ARHGEF12: variants seen among roughly 807,000 people sequenced by gnomAD.
ARHGEF12 encodes the protein KMT2A/ARHGEF12 fusion protein.
Under a neutral mutation model 211.2 loss-of-function variants are expected in ARHGEF12, and 66 were observed. That is an observed-to-expected ratio of 0.31 (90% CI 0.26 to 0.38). The LOEUF (loss-of-function observed/expected upper bound fraction) is 0.38, where lower values mean the gene tolerates loss of function less well. Ranked by LOEUF, ARHGEF12 falls within the 10% of genes least tolerant of loss-of-function variation. ARHGEF12 has a pLI of 1.00. For synonymous variants in ARHGEF12, 592 were observed against 638.4 expected (o/e 0.93, Z 1.09); for missense variants, 1,429 against 1,869.5 (o/e 0.76, Z 4.34).
At chr11:120,360,198 G>A (rs1338372907) in intron 1 of ARHGEF12, among the ~76,000 whole-genome samples, 1 of 152,136 alleles carries the variant, frequency 6.6e-6, no homozygotes, top group Non-Finnish European at 1.5e-5. Context: ...GTTTTGTGAT[G>A]AGGGAAAGTG....
intron 4 of ARHGEF12, chr11:120,411,879 C>CT (rs1565461689): frequency 6.6e-6 from 1 of 151,598 alleles, no homozygotes; most frequent in Admixed American, 6.6e-5. Flanking sequence ...AGGCTGATCT[C>CT]TGTCTCCTGA....
At chr11:120,337,535 C>T in intron 1 of ARHGEF12, 1 of 985,306 alleles carries the variant, frequency 1.0e-6, no homozygotes, top group Non-Finnish European at 1.2e-6. Context: ...GGTTTTCCGC[C>T]TGTAGTGTGC....
intron 1 of ARHGEF12, among the ~76,000 whole-genome samples, chr11:120,367,123 T>C (rs771756853): frequency 6.6e-6 from 1 of 152,170 alleles, no homozygotes; most frequent in African/African-American, 2.4e-5. Flanking sequence ...CTGATTCTTT[T>C]GGTGCTTGCT....
At chr11:120,450,653 A>G (rs929940237) in intron 21 of ARHGEF12, 2 of 152,292 alleles carry the variant, frequency 1.3e-5, no homozygotes, top group Non-Finnish European at 2.9e-5. Flanking sequence ...TGGATATTGA[A>G]CACCTGAGTG....
At chr11:120,354,425 A>G (rs1352081260) in intron 1 of ARHGEF12, among the ~76,000 whole-genome samples, 2 of 152,180 alleles carry the variant, frequency 1.3e-5, no homozygotes, top group Non-Finnish European at 2.9e-5. Flanking sequence ...GAGAGAGACC[A>G]TGGGGGTCCC....
chr11:120,405,926 G>A lies in ARHGEF12; in HGVS notation c.33-192G>A, dbSNP rs1436657558. On this transcript the variant is annotated intron_variant, in intron 1 of 40. Coordinates refer to ENST00000397843, the MANE Select transcript of ARHGEF12 (RefSeq NM_015313.3). ...GATGGTAAATGCACTGGCAGTTTAAGATTTAACAAAGTAGTTAAGATACTT... is the reference window on the plus strand; with the variant it reads ...GATGGTAAATGCACTGGCAGTTTAAAATTTAACAAAGTAGTTAAGATACTT... 6 of 475,834 alleles carry A rather than the reference G, an allele frequency of 1.3e-5. No homozygotes were observed. In the East Asian group the frequency reaches 1.8e-4, roughly 15 times the overall value. 29.5% of individuals were successfully genotyped at this position (475,834 alleles called of 1,614,324 possible). A position where few individuals can be genotyped will look rare whatever the true frequency, so the allele number is the denominator to read the frequency against.
In ARHGEF12 at chr11:120,428,258, G is replaced by A. The variant is rs1945413355; in HGVS notation, c.585+11G>A. Reference sequence around the variant, plus strand: ...CCTGTGCTCATGGGGGTAAGAATGGGGAAATTTCTTAGTTAAATGCTCAGT... The same window carrying A: ...CCTGTGCTCATGGGGGTAAGAATGGAGAAATTTCTTAGTTAAATGCTCAGT... On this transcript the variant is annotated intron_variant, in intron 8 of 40. Coordinates refer to ENST00000397843, the MANE Select transcript of ARHGEF12 (RefSeq NM_015313.3). 1.9e-6 allele frequency: 3 copies of A among 1,548,244 alleles called. No individual in the cohort carries two copies. In the East Asian group the frequency reaches 7.2e-5, roughly 37 times the overall value.
chr11:120,443,167 G>A (rs541830424), intron 15 of ARHGEF12, among the ~76,000 whole-genome samples: 13 of 151,842 alleles, frequency 8.6e-5, no homozygotes, highest in African/African-American at 1.5e-4. Context: ...GACTACAGGT[G>A]TACACCATCA....
chr11:120,358,125 T>A (rs557544503), intron 1 of ARHGEF12, among the ~76,000 whole-genome samples: 1 of 152,246 alleles, frequency 6.6e-6, no homozygotes, highest in South Asian at 2.1e-4. Flanking sequence ...TATAAAAGAT[T>A]CTTTCGGTGG....
At position 120,347,742 on chromosome 11, in the gene ARHGEF12, C is replaced by T. The variant is rs114979791; in HGVS notation, c.32+10467C>T. Among the ~76,000 whole-genome samples the T allele has an allele frequency of 2.1e-3, 315 of 152,172 alleles. 4 individuals carry two copies. The highest frequency in any genetic ancestry group is 7.3e-3 in the African/African-American group (303 of 41,508). On this transcript the variant is annotated intron_variant, in intron 1 of 40. Transcript: ENST00000397843. ...GTATAACCAGTAAGTTTGTCATTTC[C>T]ATGGTTGTAGGGAATATGAGACATT...
At chr11:120,385,180 G>A (rs1481034703) in intron 1 of ARHGEF12, 3 of 444,378 alleles carry the variant, frequency 6.8e-6, no homozygotes, top group Non-Finnish European at 8.9e-6. Flanking sequence ...TTTCCTGAGT[G>A]ATATTCTAGG....
At chr11:120,381,321 T>G (rs1161473724) in intron 1 of ARHGEF12, among the ~76,000 whole-genome samples, 1 of 152,220 alleles carries the variant, frequency 6.6e-6, no homozygotes, top group African/African-American at 2.4e-5. Flanking sequence ...CTAGTCCTCC[T>G]TTTTAATCTG....
At chr11:120,417,027 G>A (rs1460196995) in intron 4 of ARHGEF12, among the ~76,000 whole-genome samples, 1 of 152,094 alleles carries the variant, frequency 6.6e-6, no homozygotes, top group Non-Finnish European at 1.5e-5. Flanking sequence ...GAAAATCCAA[G>A]GTCAACCTCC....
chr11:120,483,013 G>A (rs1255683644), intron 39 of ARHGEF12, among the ~76,000 whole-genome samples: 1 of 152,134 alleles, frequency 6.6e-6, no homozygotes, highest in Non-Finnish European at 1.5e-5. Context: ...ATACAGTCAT[G>A]TGTTGCTTAG....
chr11:120,355,253 C>T (rs1943099827), intron 1 of ARHGEF12, among the ~76,000 whole-genome samples: 1 of 152,190 alleles, frequency 6.6e-6, no homozygotes, highest in Non-Finnish European at 1.5e-5. Context: ...AGCAGCATTT[C>T]AGTCTTGTCA....
chr11:120,482,995 G>A (rs892174927), intron 39 of ARHGEF12, among the ~76,000 whole-genome samples: 1 of 152,070 alleles, frequency 6.6e-6, no homozygotes, highest in Non-Finnish European at 1.5e-5. Flanking sequence ...GGACAGGTCG[G>A]TTCTTATATA....
At position 120,429,716 on chromosome 11, in the gene ARHGEF12, T is replaced by C; in HGVS notation, c.668T>C (p.Leu223Ser). Residue 223 changes from leucine to serine, a missense_variant, in exon 10 of 41, where the codon TTG (leucine) becomes TCG (serine). Physicochemically the swap from Leu to Ser is moderately radical, Grantham distance 145. Coordinates refer to ENST00000397843, the MANE Select transcript of ARHGEF12 (RefSeq NM_015313.3). Reference sequence around the variant, plus strand: ...AATATTTTTATAACTTTTCAGTTATTGCAGGAAGATTACAACCGAACACCT... The same window carrying C: ...AATATTTTTATAACTTTTCAGTTATCGCAGGAAGATTACAACCGAACACCT... Reference protein sequence around the residue: ...LQKEQERLQLLQEDYNRTPAQ... With the variant: ...LQKEQERLQLSQEDYNRTPAQ... 6.2e-7 allele frequency: 1 copy of C among 1,610,062 alleles called. No homozygotes were observed. Among genetic ancestry groups the C allele is most frequent in the Non-Finnish European group, 8.5e-7 (1 of 1,178,946 alleles).
At chr11:120,481,152 T>G in intron 38 of ARHGEF12, 108 bp from the exon 39 acceptor site, 3 of 979,678 alleles carry the variant, frequency 3.1e-6, no homozygotes, top group Non-Finnish European at 3.0e-6. Flanking sequence ...ATTAATGGCT[T>G]TTCCCTCTCT....
chr11:120,337,720 C>T (rs962051131), intron 1 of ARHGEF12: 2 of 985,292 alleles, frequency 2.0e-6, no homozygotes, highest in Admixed American at 6.1e-5. Context: ...AATGTTGAGC[C>T]TACTGCATGG....
Sources: gnomAD v4.1 joint callset for allele counts (sites outside exome capture counted in the v4.1 genomes callset) on GRCh38, gnomAD v4.1.1 for gene constraint, MANE v1.5 for transcripts, NCBI Gene and HGNC (gene_info 2026-07-23, HGNC 2026-07-21) for gene names.